PDE12: variants seen among roughly 807,000 people sequenced by gnomAD.
PDE12 encodes 2',5'-phosphodiesterase 12.
Under a neutral mutation model 45.4 loss-of-function variants are expected in PDE12, and 26 were observed. The ratio of observed to expected loss-of-function variants is 0.57; its 90% CI spans 0.42 to 0.79. The LOEUF is 0.79. Ranked by LOEUF, PDE12 falls within the 30% of genes least tolerant of loss-of-function variation. The pLI, the probability that PDE12 is intolerant of heterozygous loss-of-function variation, is 0.00. For missense variants in PDE12, 668 were observed against 790.0 expected (o/e 0.85, Z 1.85); for synonymous variants, 283 against 323.9 (o/e 0.87, Z 1.36).
chr3:57,581,944 T>C, the PDE12 span, among the ~76,000 whole-genome samples: 1 of 152,324 alleles, frequency 6.6e-6, no homozygotes, highest in East Asian at 1.9e-4. Context: ...AGATTGAGTT[T>C]CCTTAATCCA....
rs2069656597 is a variant in PDE12 at position 57,556,312 on chromosome 3, C to T, written c.-68C>T. ...GAGTCAAAGCCGGCGGCCTCGGCTC[C>T]TCAGCTCCACCTGACAGTAGGCCGC... On this transcript the variant is annotated 5_prime_UTR_variant, in exon 1 of 3. Coordinates refer to ENST00000311180, the MANE Select transcript of PDE12 (RefSeq NM_177966.7). The surrounding 1 kb of genome is among the most constrained non-coding windows in gnomAD (Gnocchi z 5.0). 2.7e-6 allele frequency: 4 copies of T among 1,461,506 alleles called. No homozygotes were observed. The highest frequency in any genetic ancestry group is 4.8e-5 in the Admixed American group (2 of 41,980). 90.5% of individuals were successfully genotyped at this position (1,461,506 alleles called of 1,614,324 possible).
chr3:57,639,094 T>TCA, the PDE12 span, among the ~76,000 whole-genome samples: 29 of 151,694 alleles, frequency 1.9e-4, no homozygotes, highest in African/African-American at 6.1e-4. Context: ...CAAGACCCTA[T>TCA]CACACACACA....
the PDE12 span, among the ~76,000 whole-genome samples, chr3:57,603,121 C>T: frequency 1.3e-5 from 2 of 151,616 alleles, no homozygotes. Flanking sequence ...GAGCCAAGAT[C>T]GTGCCACTGC....
Position 57,565,400 on chromosome 3 carries a change from ATTTCT to A in PDE12, c.*5400_*5404del, listed in dbSNP as rs978891052. The A allele has an allele frequency of 6.6e-6, 1 of 152,176 alleles. No individual in the cohort carries two copies. Among genetic ancestry groups the A allele is most frequent in the Non-Finnish European group, 1.5e-5 (1 of 68,026 alleles). The allele number at this position is 152,176 out of a possible 1,614,324, so 9.4% of individuals were successfully genotyped here. On this transcript the variant is annotated 3_prime_UTR_variant, in exon 3 of 3. Transcript: ENST00000311180. ...AGGTGTATATATTTATGTGGGACATATTTCTTTTGATAGAGTAAATTGAGTATTCA... is the reference window on the plus strand; with the variant it reads ...AGGTGTATATATTTATGTGGGACATATTTGATAGAGTAAATTGAGTATTCA...
the PDE12 span, among the ~76,000 whole-genome samples, chr3:57,608,588 C>G: frequency 6.6e-6 from 1 of 151,742 alleles, no homozygotes; most frequent in South Asian, 2.1e-4. Context: ...GGTTGCAATC[C>G]TAGTCTCTGA....
intron 1 of PDE12, among the ~76,000 whole-genome samples, chr3:57,558,560 G>C (rs1257178294): frequency 6.6e-6 from 1 of 152,058 alleles, no homozygotes; most frequent in Non-Finnish European, 1.5e-5. Context: ...GCGCGATATC[G>C]GCTCACCGCA....
the PDE12 span, among the ~76,000 whole-genome samples, chr3:57,630,033 G>C: frequency 2.0e-5 from 3 of 152,102 alleles, no homozygotes; most frequent in Non-Finnish European, 4.4e-5. Flanking sequence ...GCTATTTCAA[G>C]CTGCCAACCT....
At chr3:57,622,627 T>C in the PDE12 span, among the ~76,000 whole-genome samples, 3 of 152,196 alleles carry the variant, frequency 2.0e-5, no homozygotes, top group Non-Finnish European at 2.9e-5. Context: ...CAAGGACTAG[T>C]ACATGAGTGT....
the PDE12 span, among the ~76,000 whole-genome samples, chr3:57,652,421 G>A: frequency 6.6e-6 from 1 of 152,064 alleles, no homozygotes; most frequent in African/African-American, 2.4e-5. Context: ...AGACTCCTAT[G>A]TCCAACTGAC....
chr3:57,641,858 T>A, the PDE12 span: 1 of 795,998 alleles, frequency 1.3e-6, no homozygotes, highest in East Asian at 2.8e-5. Flanking sequence ...GATTGATTTT[T>A]CCTTTATTCA....
At chr3:57,579,301 A>G in the PDE12 span, among the ~76,000 whole-genome samples, 1 of 145,604 alleles carries the variant, frequency 6.9e-6, no homozygotes, top group Non-Finnish European at 1.5e-5. Context: ...ACTAAGGGCA[A>G]AGGACTATAC....
chr3:57,639,181 A>G, the PDE12 span, among the ~76,000 whole-genome samples: 4 of 152,348 alleles, frequency 2.6e-5, no homozygotes, highest in African/African-American at 9.6e-5. Context: ...AAAAGTGCTC[A>G]CCATCATTAG....
the PDE12 span, among the ~76,000 whole-genome samples, chr3:57,621,790 A>T: frequency 6.6e-6 from 1 of 151,936 alleles, no homozygotes; most frequent in South Asian, 2.1e-4. Flanking sequence ...TTCAAAAGAC[A>T]CTTTAAAAAA....
At chr3:57,568,750 T>C (rs1323852064), downstream of PDE12, among the ~76,000 whole-genome samples, 3 of 150,510 alleles carry the variant, frequency 2.0e-5, no homozygotes, top group East Asian at 3.9e-4. Flanking sequence ...ATAAGGTAAG[T>C]GGAAAATTTC....
chr3:57,637,656 G>A, the PDE12 span, among the ~76,000 whole-genome samples: 2 of 149,256 alleles, frequency 1.3e-5, no homozygotes, highest in African/African-American at 2.5e-5. Flanking sequence ...AACTCAACAA[G>A]CAGAAAAATA....
the PDE12 span, among the ~76,000 whole-genome samples, chr3:57,581,371 G>A: frequency 1.4e-3 from 215 of 152,098 alleles, 1 homozygote; most frequent in Middle Eastern, 0.014. Context: ...GCCAGAATTG[G>A]GTCTAATTTC....
At chr3:57,575,465 T>C in the PDE12 span, 3 of 1,359,948 alleles carry the variant, frequency 2.2e-6, no homozygotes, top group South Asian at 3.2e-5. Context: ...AGATAATAAA[T>C]GTTTAAACTG....
At chr3:57,639,822 T>A in the PDE12 span, among the ~76,000 whole-genome samples, 6 of 148,726 alleles carry the variant, frequency 4.0e-5, no homozygotes, top group Non-Finnish European at 8.8e-5. Context: ...TAAGACCGAG[T>A]CCAGAATTTG....
the PDE12 span, among the ~76,000 whole-genome samples, chr3:57,602,245 G>T: frequency 6.6e-6 from 1 of 152,072 alleles, no homozygotes; most frequent in Admixed American, 6.6e-5. Flanking sequence ...CAATTCTGTT[G>T]TAGTCCCCTT....
Sources: allele counts gnomAD v4.1 joint callset (sites outside exome capture counted in the v4.1 genomes callset), GRCh38; gene constraint gnomAD v4.1.1; non-coding constraint Gnocchi (gnomAD v3.1); transcripts MANE v1.5; gene names NCBI Gene and HGNC (gene_info 2026-07-23, HGNC 2026-07-21).